INVS: variants seen among roughly 807,000 people sequenced by gnomAD.
INVS encodes inversion of embryo turning homolog.
In INVS, 86 loss-of-function variants were observed where a neutral mutation model predicts 108.8. That is an observed-to-expected ratio of 0.79 (90% CI 0.66 to 0.95). The LOEUF is 0.95. Ranked by LOEUF, INVS falls within the 40% of genes least tolerant of loss-of-function variation. The pLI is 0.00. For missense variants in INVS, 1,169 were observed against 1,297.4 expected (o/e 0.90, Z 1.52); for synonymous variants, 455 against 473.5 (o/e 0.96, Z 0.51).
At chr9:100,124,528 A>G (rs1827824628) in intron 2 of INVS, among the ~76,000 whole-genome samples, 1 of 149,434 alleles carries the variant, frequency 6.7e-6, no homozygotes, top group Admixed American at 6.6e-5. Context: ...AGCCTGGGCA[A>G]CACAGTGAGA....
At chr9:100,100,002 G>A (rs1158157471) in intron 1 of INVS, among the ~76,000 whole-genome samples, 1 of 152,058 alleles carries the variant, frequency 6.6e-6, no homozygotes, top group African/African-American at 2.4e-5. Flanking sequence ...AGAACTTCCC[G>A]AACAACCAAC....
rs112048380 is a variant in INVS at position 100,211,152 on chromosome 9, C to CA, written c.274-14900dup. Among the ~76,000 whole-genome samples the CA allele has an allele frequency of 3.0e-3, 440 of 144,506 alleles. 2 individuals carry two copies. Among genetic ancestry groups the CA allele is most frequent in the Non-Finnish European group, 4.7e-3 (309 of 65,588 alleles). 94.8% of individuals were successfully genotyped at this position (144,506 alleles called of 152,430 possible). ...GAACTTCTTTTGCTAGAGTTTAAGA[C>CA]AAAAAAAAAATGTTGTCCTTAAATA... On this transcript the variant is annotated intron_variant, in intron 3 of 16. Coordinates refer to ENST00000262457, the MANE Select transcript of INVS (RefSeq NM_014425.5).
intron 11 of INVS, among the ~76,000 whole-genome samples, chr9:100,270,704 C>T (rs925499219): frequency 2.2e-4 from 31 of 143,212 alleles, no homozygotes; most frequent in Non-Finnish European, 4.0e-4. Flanking sequence ...GCTGAGATCG[C>T]GTCATTGCAC....
intron 11 of INVS, among the ~76,000 whole-genome samples, chr9:100,268,998 C>T (rs1331951854): frequency 6.6e-6 from 1 of 152,136 alleles, no homozygotes; most frequent in Non-Finnish European, 1.5e-5. Flanking sequence ...GTGAAGGATA[C>T]TACCTATTAA....
chr9:100,133,552 A>G (rs949477170), intron 3 of INVS, among the ~76,000 whole-genome samples: 2 of 152,154 alleles, frequency 1.3e-5, no homozygotes, highest in Admixed American at 6.5e-5. Context: ...GACACATGAG[A>G]TGGTACACAA....
At chr9:100,293,122 T>G in intron 14 of INVS, 79 bp downstream of exon 14, 1 of 1,405,390 alleles carries the variant, frequency 7.1e-7, no homozygotes, top group South Asian at 1.2e-5. Flanking sequence ...TCTTTGATGT[T>G]TTCCCAGTGA....
chr9:100,111,274 G>T (rs1827329589), intron 2 of INVS, among the ~76,000 whole-genome samples: 1 of 152,226 alleles, frequency 6.6e-6, no homozygotes, highest in Non-Finnish European at 1.5e-5. Flanking sequence ...TGTAGCTATT[G>T]TGCGGACTAG....
At chr9:100,124,760 C>A (rs1827833581) in intron 2 of INVS, among the ~76,000 whole-genome samples, 1 of 152,042 alleles carries the variant, frequency 6.6e-6, no homozygotes, top group South Asian at 2.1e-4. Context: ...TGTTGATTAT[C>A]TTTTCTTGTT....
intron 3 of INVS, among the ~76,000 whole-genome samples, chr9:100,178,809 A>G (rs1829794086): frequency 6.6e-6 from 1 of 152,208 alleles, no homozygotes; most frequent in Non-Finnish European, 1.5e-5. Context: ...ATACTCCTCA[A>G]GAAGAGGAAC....
intron 10 of INVS, among the ~76,000 whole-genome samples, chr9:100,262,689 A>G (rs1236781735): frequency 7.0e-6 from 1 of 142,166 alleles, no homozygotes; most frequent in African/African-American, 2.6e-5. Context: ...CAAAGGACTT[A>G]TTTCTGTCTT....
At chr9:100,235,033 T>C (rs1831635943) in intron 5 of INVS, among the ~76,000 whole-genome samples, 1 of 152,214 alleles carries the variant, frequency 6.6e-6, no homozygotes, top group South Asian at 2.1e-4. Flanking sequence ...ACTTGCTTTA[T>C]GAATCTGGGT....
At chr9:100,138,320 C>T (rs1828301308) in intron 3 of INVS, among the ~76,000 whole-genome samples, 3 of 152,060 alleles carry the variant, frequency 2.0e-5, no homozygotes, top group South Asian at 2.1e-4. Flanking sequence ...GCAGGAGAAT[C>T]GCTTGAACCC....
chr9:100,190,310 T>C (rs1300698191), intron 3 of INVS, among the ~76,000 whole-genome samples: 1 of 152,142 alleles, frequency 6.6e-6, no homozygotes, highest in Non-Finnish European at 1.5e-5. Context: ...CAGCAGATAT[T>C]TGGTTTGTAA....
intron 10 of INVS, among the ~76,000 whole-genome samples, chr9:100,259,049 C>T (rs2118598070): frequency 6.6e-6 from 1 of 152,332 alleles, no homozygotes; most frequent in Non-Finnish European, 1.5e-5. Context: ...CCTCCTTGAG[C>T]TGCGGTGGGC....
chr9:100,101,778 T>C (rs1224690115), intron 1 of INVS: 5 of 152,288 alleles, frequency 3.3e-5, no homozygotes, highest in East Asian at 3.9e-4. Context: ...CCTACCCTCA[T>C]GGCAGCAATT....
intron 2 of INVS, among the ~76,000 whole-genome samples, chr9:100,111,678 A>G (rs1827340920): frequency 6.6e-6 from 1 of 152,250 alleles, no homozygotes; most frequent in African/African-American, 2.4e-5. Context: ...CGTTTGTACA[A>G]CATGTTACAA....
At chr9:100,202,159 A>G (rs1214612726) in intron 3 of INVS, among the ~76,000 whole-genome samples, 1 of 151,900 alleles carries the variant, frequency 6.6e-6, no homozygotes, top group Non-Finnish European at 1.5e-5. Flanking sequence ...TACTGTAGTC[A>G]CAATGGTGAC....
At chr9:100,229,118 A>G (rs1272671414) in intron 4 of INVS, among the ~76,000 whole-genome samples, 1 of 152,158 alleles carries the variant, frequency 6.6e-6, no homozygotes, top group Non-Finnish European at 1.5e-5. Context: ...AGCTTAGCAA[A>G]CTCAACAAAC....
At chr9:100,204,153 T>C (rs888539381) in intron 3 of INVS, among the ~76,000 whole-genome samples, 1 of 152,152 alleles carries the variant, frequency 6.6e-6, no homozygotes, top group African/African-American at 2.4e-5. Flanking sequence ...TTAAAAACAA[T>C]GCCTTACACA....
Sources: gnomAD v4.1 joint callset for allele counts (sites outside exome capture counted in the v4.1 genomes callset) on GRCh38, gnomAD v4.1.1 for gene constraint, MANE v1.5 for transcripts, NCBI Gene and HGNC (gene_info 2026-07-23, HGNC 2026-07-21) for gene names.